Variants in C6 observed in about 807,000 individuals in gnomAD.
C6 encodes complement C6, also known as complement component C6.
In C6, 101 loss-of-function variants were observed where a neutral mutation model predicts 112.9. The observed-to-expected ratio is 0.89, with a 90% CI of 0.76 to 1.06. The LOEUF is 1.06. Among genes scored for constraint, C6 ranks in the 50% least tolerant of loss-of-function variants. The probability of loss-of-function intolerance (pLI) is 0.00; values close to 1 mark genes in which losing one functional copy is unlikely to be tolerated. For synonymous variants in C6, 431 were observed against 384.1 expected, an observed-to-expected ratio of 1.12 and a Z score of -1.43; for missense variants, 1,202 against 1,104.6, an observed-to-expected ratio of 1.09 and a Z score of -1.25.
chr5:41,211,387 TAAA>T (rs879395623), intron 1 of C6, among the ~76,000 whole-genome samples: 19 of 150,852 alleles, frequency 1.3e-4, no homozygotes, highest in African/African-American at 4.6e-4. Context: ...TAAAGTATAA[TAAA>T]AAAAAATGAG....
chr5:41,232,523 G>T (rs1739968929), intron 1 of C6, among the ~76,000 whole-genome samples: 2 of 152,084 alleles, frequency 1.3e-5, no homozygotes, highest in African/African-American at 2.4e-5. Context: ...TAGGAAGCTT[G>T]TTAGTACTAA....
intron 1 of C6, among the ~76,000 whole-genome samples, chr5:41,253,597 G>C (rs1405346641): frequency 2.0e-5 from 3 of 152,098 alleles, no homozygotes; most frequent in Admixed American, 2.0e-4. Flanking sequence ...CTCTCTCCCA[G>C]GAATCACTGC....
chr5:41,145,384 G>T (rs1745723125), intron 17 of C6, among the ~76,000 whole-genome samples: 1 of 152,102 alleles, frequency 6.6e-6, no homozygotes, highest in Non-Finnish European at 1.5e-5. Flanking sequence ...TCTTAACAAG[G>T]CGCTCAATTA....
At chr5:41,260,170 T>C (rs1741957581) in intron 1 of C6, among the ~76,000 whole-genome samples, 3 of 152,186 alleles carry the variant, frequency 2.0e-5, no homozygotes, top group Admixed American at 2.0e-4. Flanking sequence ...TCGTCCACTA[T>C]AAGCTTATTA....
chr5:41,172,089 C>T, intron 9 of C6, 136 bp downstream of exon 9: 1 of 915,362 alleles, frequency 1.1e-6, no homozygotes, highest in Non-Finnish European at 1.8e-6. Flanking sequence ...TCCCCTATTC[C>T]AACACACAGG....
In C6 at chr5:41,161,764, C is replaced by A. The variant is rs148104911; in HGVS notation, c.1387G>T (p.Gly463Cys). 1 of 1,613,684 alleles carries A rather than the reference C, an allele frequency of 6.2e-7. No homozygotes were observed. The highest frequency in any genetic ancestry group is 8.5e-7 in the Non-Finnish European group (1 of 1,179,704). The change falls in exon 10 of 18, where the codon GGT becomes TGT. Residue 463 changes from glycine (G) to cysteine (C), a missense_variant. By Grantham distance (159) the Gly-to-Cys change is radical (BLOSUM62 -3). Transcript: ENST00000337836. ...TCAGAAAATGTCTTCTCCTCCAGAC[C>A]AGAGCTCCCTTTCTCCCATGCCAAA... ...AALAWEKGSS[G>C]LEEKTFSEWL...
chr5:41,169,494 T>C (rs1432387217), intron 9 of C6, among the ~76,000 whole-genome samples: 1 of 152,088 alleles, frequency 6.6e-6, no homozygotes, highest in Non-Finnish European at 1.5e-5. Flanking sequence ...AATAGGAATT[T>C]GAGAGTATAT....
chr5:41,173,063 A>G (rs1453203813), intron 8 of C6, among the ~76,000 whole-genome samples: 1 of 152,090 alleles, frequency 6.6e-6, no homozygotes, highest in South Asian at 2.1e-4. Context: ...CCTGTACTTG[A>G]TACTGTTTCC....
At position 41,159,179 on chromosome 5, in the gene C6, G is replaced by C; in HGVS notation, c.1759C>G (p.Arg587Gly). Residue 587 changes from arginine (R) to glycine (G), a missense_variant, in exon 12 of 18, where the codon CGA (arginine) becomes GGA (glycine). Arg to Gly is a moderately radical substitution (Grantham distance 125). Coordinates refer to ENST00000337836, the MANE Select transcript of C6 (RefSeq NM_000065.5). ...TGGGGGGCAGGATTATTGCATTCTC[G>C]GGTTCTCGATCTCTTATAAGTAGCA... The part of the protein sequence containing the change: ...CDATYKRSRT[R>G]ECNNPAPQRG... 3.1e-6 allele frequency: 5 copies of C among 1,613,414 alleles called. No individual in the cohort carries two copies. Among genetic ancestry groups the C allele is most frequent in the Non-Finnish European group, 4.2e-6 (5 of 1,179,728 alleles).
In C6 at chr5:41,205,905, G is replaced by A. The variant is rs111979865; in HGVS notation, c.-20-2655C>T. On this transcript the variant is annotated intron_variant, in intron 1 of 17. Coordinates refer to ENST00000337836, the MANE Select transcript of C6 (RefSeq NM_000065.5). The stretch of plus-strand genomic sequence containing the variant: ...AGCACGGAGTTTGAGATCTGAGAAT[G>A]GACAGACTGCCTCCTCAAGTGGGTC... 8.1e-3 allele frequency among the ~76,000 whole-genome samples: 1,237 copies of A among 152,306 alleles called. 18 individuals carry two copies. Among genetic ancestry groups the A allele is most frequent in the African/African-American group, 0.028 (1,159 of 41,558 alleles).
At chr5:41,191,968 A>G (rs868507428) in intron 5 of C6, among the ~76,000 whole-genome samples, 1 of 152,144 alleles carries the variant, frequency 6.6e-6, no homozygotes, top group African/African-American at 2.4e-5. Flanking sequence ...AAGAGCAGGT[A>G]TCCTTGTCTT....
At chr5:41,160,011 T>G (rs1032799834) in intron 11 of C6, 131 bp downstream of exon 11, 7 of 761,874 alleles carry the variant, frequency 9.2e-6, no homozygotes, top group Admixed American at 4.2e-5. Flanking sequence ...TTTTTGCAGG[T>G]TTATCTTCCC....
intron 1 of C6, among the ~76,000 whole-genome samples, chr5:41,253,675 G>A (rs1741503871): frequency 6.6e-6 from 1 of 152,076 alleles, no homozygotes; most frequent in Non-Finnish European, 1.5e-5. Context: ...AGGTTATTTT[G>A]GATTGTCCTT....
At chr5:41,254,197 C>G (rs1294003441) in intron 1 of C6, among the ~76,000 whole-genome samples, 1 of 152,038 alleles carries the variant, frequency 6.6e-6, no homozygotes, top group African/African-American at 2.4e-5. Flanking sequence ...GTCAAGAGAT[C>G]GAGACCATCC....
At chr5:41,245,927 G>C (rs6861061) in intron 1 of C6, among the ~76,000 whole-genome samples, 4,270 of 152,190 alleles carry the variant, frequency 0.028, 216 homozygotes, top group African/African-American at 0.097. Context: ...TTTTAGTTTG[G>C]ATGTCACAAT....
At chr5:41,167,891 C>A (rs1748112163) in intron 9 of C6, among the ~76,000 whole-genome samples, 1 of 152,060 alleles carries the variant, frequency 6.6e-6, no homozygotes, top group Non-Finnish European at 1.5e-5. Context: ...ATTCATAACT[C>A]ATTGTAGGAA....
chr5:41,156,872 A>G (rs944732940), intron 13 of C6, among the ~76,000 whole-genome samples: 1 of 152,198 alleles, frequency 6.6e-6, no homozygotes, highest in Non-Finnish European at 1.5e-5. Context: ...TCTGTAACAT[A>G]TAAGTGTATG....
At chr5:41,188,684 G>A (rs1178207537) in intron 5 of C6, among the ~76,000 whole-genome samples, 1 of 151,810 alleles carries the variant, frequency 6.6e-6, no homozygotes, top group Non-Finnish European at 1.5e-5. Flanking sequence ...GACAATATAG[G>A]ACTAAATATT....
intron 17 of C6, among the ~76,000 whole-genome samples, chr5:41,148,657 C>G (rs1746077646): frequency 6.6e-6 from 1 of 152,156 alleles, no homozygotes; most frequent in African/African-American, 2.4e-5. Flanking sequence ...GGGCATCTGG[C>G]TGACCCCACG....
Sources: gnomAD v4.1 joint callset for allele counts (sites outside exome capture counted in the v4.1 genomes callset) on GRCh38, gnomAD v4.1.1 for gene constraint, MANE v1.5 for transcripts, NCBI Gene and HGNC (gene_info 2026-07-23, HGNC 2026-07-21) for gene names.